Variants in PPRC1 observed in about 807,000 individuals in gnomAD.
The protein encoded by PPRC1 is peroxisome proliferator-activated receptor gamma coactivator-related protein 1.
Under a neutral mutation model 132.5 loss-of-function variants are expected in PPRC1, and 23 were observed. The observed-to-expected ratio is 0.17, with a 90% CI of 0.12 to 0.25. The LOEUF (loss-of-function observed/expected upper bound fraction) is 0.25, where lower values mean the gene tolerates loss of function less well. Among genes scored for constraint, PPRC1 ranks in the 10% least tolerant of loss-of-function variants. PPRC1 has a pLI of 1.00. For synonymous variants in PPRC1, 872 were observed against 833.5 expected, an observed-to-expected ratio of 1.05 and a Z score of -0.80; for missense variants, 2,006 against 2,089.1, an observed-to-expected ratio of 0.96 and a Z score of 0.78.
rs1311853993 is a variant in PPRC1 at position 102,138,651 on chromosome 10, G to C, written c.375G>C (p.Val125=). The change falls in exon 3 of 14, where the codon GTG becomes GTC. Residue 125 remains valine, a synonymous_variant. Transcript: ENST00000278070. ...TATCTCTGGAGGACCAGAATGAAGT[G>C]TCGCTGCTCACGGCTCTGACGGAGA... is the stretch of plus-strand genomic sequence containing the variant. ...SRLSLEDQNE[V]SLLTALTEIL... 6 of 1,614,122 alleles carry C rather than the reference G, an allele frequency of 3.7e-6. No individual in the cohort carries two copies. The East Asian group carries it at 1.3e-4, about 36-fold the overall frequency.
the PPRC1 span, among the ~76,000 whole-genome samples, chr10:102,122,298 C>A: frequency 6.6e-6 from 1 of 152,102 alleles, no homozygotes; most frequent in East Asian, 1.9e-4. Flanking sequence ...GCAAGATTCG[C>A]TCCTCAATAC....
chr10:102,146,602 A>G, intron 8 of PPRC1, 70 bp from the exon 9 acceptor site: 1 of 1,519,488 alleles, frequency 6.6e-7, no homozygotes, highest in Non-Finnish European at 8.8e-7. Context: ...TCTGGAGGCT[A>G]TATACACGGT....
rs2133635332 is a variant in PPRC1, at chr10:102,139,543, G to C, written c.1035G>C (p.Val345=). ...TGACACTGCCTGAGGGCTGCGTAGT[G>C]CTGGAGATTGTGGGGCAGGCAGCCA... ...DDLTLPEGCV[V]LEIVGQAATA... is the part of the protein sequence containing the mutation. The change falls in exon 5 of 14, where the codon GTG becomes GTC. Residue 345 remains valine (V), a synonymous_variant. Coordinates refer to ENST00000278070, the MANE Select transcript of PPRC1 (RefSeq NM_015062.5). 2 of 1,613,938 alleles carry C rather than the reference G, an allele frequency of 1.2e-6. No individual in the cohort carries two copies. The highest frequency in any genetic ancestry group is 4.5e-5 in the East Asian group (2 of 44,880).
At chr10:102,129,831 C>T (rs2068515038), upstream of PPRC1, among the ~76,000 whole-genome samples, 1 of 152,092 alleles carries the variant, frequency 6.6e-6, no homozygotes, top group Non-Finnish European at 1.5e-5. Flanking sequence ...TCTTGAATTC[C>T]TGACCTCGGT....
the PPRC1 span, among the ~76,000 whole-genome samples, chr10:102,127,046 T>TAC: frequency 1.8e-4 from 10 of 56,958 alleles, no homozygotes; most frequent in Non-Finnish European, 4.9e-4. Flanking sequence ...TATATATATA[T>TAC]ATATATATAT....
At position 102,139,347 on chromosome 10, in the gene PPRC1, G is replaced by A. The variant is rs1186321590; in HGVS notation, c.839G>A (p.Cys280Tyr). Residue 280 changes from cysteine (C) to tyrosine (Y), a missense_variant, in exon 5 of 14, where the codon TGC (cysteine) becomes TAC (tyrosine). Physicochemically the swap from Cys to Tyr is radical, Grantham distance 194. Transcript: ENST00000278070. The part of the protein sequence containing the change: ...SIPDFPMHLA[C>Y]PEEEDKATAA... ...CCGGACTTCCCCATGCATTTGGCCTGCCCTGAGGAGGAAGATAAAGCAACA... is the reference window on the plus strand; with the variant it reads ...CCGGACTTCCCCATGCATTTGGCCTACCCTGAGGAGGAAGATAAAGCAACA... 1 of 1,614,216 alleles carries A rather than the reference G, an allele frequency of 6.2e-7. No individual in the cohort carries two copies. The highest frequency in any genetic ancestry group is 1.7e-5 in the Admixed American group (1 of 60,030).
At position 102,149,996 on chromosome 10, in the gene PPRC1, G is replaced by A. The variant is rs1156342641; in HGVS notation, c.4962G>A (p.Leu1654=). 1 of 1,613,534 alleles carries A rather than the reference G, an allele frequency of 6.2e-7. No homozygotes were observed. Among genetic ancestry groups the A allele is most frequent in the South Asian group, 1.1e-5 (1 of 91,068 alleles). Reference sequence around the variant, plus strand: ...TTGATTCTCTTGACTTTGACACATTGTTGAAACAGGCCCAGAAGAACCTCA... The same window carrying A: ...TTGATTCTCTTGACTTTGACACATTATTGAAACAGGCCCAGAAGAACCTCA... ...SKFDSLDFDT[L]LKQAQKNLRR Residue 1654 remains leucine (L), a synonymous_variant, in exon 14 of 14, where the codon TTG becomes TTA. Coordinates refer to ENST00000278070, the MANE Select transcript of PPRC1 (RefSeq NM_015062.5).
At chr10:102,134,905 G>C (rs2068666153) in intron 1 of PPRC1, among the ~76,000 whole-genome samples, 1 of 152,182 alleles carries the variant, frequency 6.6e-6, no homozygotes, top group Non-Finnish European at 1.5e-5. Context: ...AGTAATTTGG[G>C]ATTGGAGAGG....
At chr10:102,135,596 C>T (rs898185346) in intron 1 of PPRC1, among the ~76,000 whole-genome samples, 9 of 152,146 alleles carry the variant, frequency 5.9e-5, no homozygotes, top group African/African-American at 2.2e-4. Flanking sequence ...TCAGGCTGGT[C>T]TTGAACTCCT....
chr10:102,148,434 C>T lies in PPRC1; in HGVS notation c.4463C>T (p.Ser1488Phe), dbSNP rs775102599. 6.2e-7 allele frequency: 1 copy of T among 1,611,400 alleles called. No homozygotes were observed. Among genetic ancestry groups the T allele is most frequent in the South Asian group, 1.1e-5 (1 of 91,022 alleles). ...TCTTCCTCTTCTTCGTCATCATCTT[C>T]CTCTTCGTCTTCCTCATCCTCATCA... ...RCSSSSSSSS[S>F]SSSSSSSSSS... The change falls in exon 10 of 14, where the codon TCC (serine) becomes TTC (phenylalanine). Residue 1488 changes from serine to phenylalanine, a missense_variant. Coordinates refer to ENST00000278070, the MANE Select transcript of PPRC1 (RefSeq NM_015062.5). This position sits in a 1 kb window ranked among gnomAD's most constrained non-coding sequence, Gnocchi z 4.2.
chr10:102,132,891 C>T (rs1203759376), upstream of PPRC1: 2 of 938,938 alleles, frequency 2.1e-6, no homozygotes, highest in African/African-American at 3.4e-5. Context: ...GACTACTACT[C>T]CCAGGAACCT....
At chr10:102,147,797 T>C (rs749662914) in intron 9 of PPRC1, among the ~76,000 whole-genome samples, 8 of 152,228 alleles carry the variant, frequency 5.3e-5, no homozygotes, top group Non-Finnish European at 1.0e-4. Flanking sequence ...TCTGGGGCAG[T>C]TCCTTTGGGT....
At chr10:102,142,947 G>A (rs2069060577) in intron 5 of PPRC1, 98 bp from the exon 6 acceptor site, 1 of 1,078,254 alleles carries the variant, frequency 9.3e-7, no homozygotes, top group Non-Finnish European at 1.4e-6. Flanking sequence ...GGCAGGGGGA[G>A]TGGAAAGGGA....
At chr10:102,137,211 C>T (rs1459158981) in intron 1 of PPRC1, among the ~76,000 whole-genome samples, 11 of 152,012 alleles carry the variant, frequency 7.2e-5, no homozygotes, top group Non-Finnish European at 4.4e-5. Flanking sequence ...TGGTGGTGGG[C>T]GCCTATAATC....
chr10:102,120,462 C>T, the PPRC1 span: 1 of 920,648 alleles, frequency 1.1e-6, no homozygotes, highest in African/African-American at 1.8e-5. Flanking sequence ...CGCGCTCGCG[C>T]TCCCTCGCGC....
chr10:102,141,508 T>A lies in PPRC1; in HGVS notation c.3000T>A (p.Pro1000=). 1 of 1,613,848 alleles carries A rather than the reference T, an allele frequency of 6.2e-7. No homozygotes were observed. The highest frequency in any genetic ancestry group is 8.5e-7 in the Non-Finnish European group (1 of 1,179,966). The change falls in exon 5 of 14, where the codon CCT becomes CCA. Residue 1000 remains proline (P), a synonymous_variant. Transcript: ENST00000278070. ...CATTCTGGTCTACTGTTCCCCCACC[T>A]CCTTTGCCTCCAGCCTCCATTGGGA... ...HAPFWSTVPP[P]PLPPASIGRA... is the part of the protein sequence containing the mutation.
chr10:102,145,633 G>A (rs2133702435), intron 8 of PPRC1, among the ~76,000 whole-genome samples: 1 of 151,904 alleles, frequency 6.6e-6, no homozygotes, highest in Non-Finnish European at 1.5e-5. Flanking sequence ...GGGAGGCCGA[G>A]GCAGGTGGAT....
At chr10:102,131,388 C>CA (rs1319964199), upstream of PPRC1, among the ~76,000 whole-genome samples, 275 of 97,582 alleles carry the variant, frequency 2.8e-3, no homozygotes, top group Middle Eastern at 9.8e-3. Flanking sequence ...TATTGTCTAA[C>CA]AAAAAAAAAA....
rs144506897 is a variant in PPRC1 at position 102,144,583 on chromosome 10, G to A, written c.3608+276G>A. The A allele has an allele frequency of 5.7e-6, 3 of 526,888 alleles. No individual in the cohort carries two copies. The African/African-American group carries it at 5.7e-5, about 10-fold the overall frequency. 32.6% of individuals were successfully genotyped at this position (526,888 alleles called of 1,614,324 possible). A position where few individuals can be genotyped will look rare whatever the true frequency, so the allele number is the denominator to read the frequency against. ...TATCTCCTGGCAAGTCATACCTTTG[G>A]GGATTTCTTTCTTTCATTTAATAAC... is the stretch of plus-strand genomic sequence containing the variant. On this transcript the variant is annotated intron_variant, in intron 7 of 13. Transcript: ENST00000278070.
Sources: gnomAD v4.1 joint callset for allele counts (sites outside exome capture counted in the v4.1 genomes callset) on GRCh38, gnomAD v4.1.1 for gene constraint, Gnocchi (gnomAD v3.1) non-coding constraint, MANE v1.5 for transcripts, NCBI Gene and HGNC (gene_info 2026-07-23, HGNC 2026-07-21) for gene names.